Variants in ITGA8 observed in about 807,000 individuals in gnomAD.
The protein encoded by ITGA8 is integrin subunit alpha 8, also known as integrin alpha-8.
ITGA8 carries 91 observed loss-of-function variants against 142.3 expected under a neutral mutation model. The observed-to-expected ratio is 0.64, with a 90% CI of 0.54 to 0.76. The LOEUF (loss-of-function observed/expected upper bound fraction) is 0.76. ITGA8 is among the 30% of genes least tolerant of loss of function. The pLI, the probability that ITGA8 is intolerant of heterozygous loss-of-function variation, is 0.00. For missense variants in ITGA8, 1,406 were observed against 1,327.7 expected, an observed-to-expected ratio of 1.06 and a Z score of -0.92; for synonymous variants, 505 against 485.2, an observed-to-expected ratio of 1.04 and a Z score of -0.54.
intron 22 of ITGA8, among the ~76,000 whole-genome samples, chr10:15,591,402 A>AGT: frequency 7.4e-6 from 1 of 135,670 alleles, no homozygotes; most frequent in Non-Finnish European, 1.6e-5. Flanking sequence ...GAGCTGTATT[A>AGT]ATATATATTA....
chr10:15,649,288 CA>C (rs1363739241), intron 11 of ITGA8, among the ~76,000 whole-genome samples: 2 of 151,662 alleles, frequency 1.3e-5, no homozygotes, highest in Non-Finnish European at 2.9e-5. Flanking sequence ...TATATTGTTA[CA>C]ATCAATATTA....
intron 25 of ITGA8, among the ~76,000 whole-genome samples, chr10:15,562,178 G>T (rs1211229412): frequency 6.6e-6 from 1 of 152,196 alleles, no homozygotes; most frequent in African/African-American, 2.4e-5. Flanking sequence ...GGAGGGGTTT[G>T]GGATGGGGAA....
At chr10:15,571,312 T>A (rs945742982) in intron 25 of ITGA8, among the ~76,000 whole-genome samples, 8 of 152,202 alleles carry the variant, frequency 5.3e-5, no homozygotes, top group African/African-American at 1.9e-4. Flanking sequence ...GGGTATTCCA[T>A]GAAGCCTGCG....
intron 8 of ITGA8, among the ~76,000 whole-genome samples, chr10:15,664,503 CT>C (rs35181554): frequency 0.37 from 50,569 of 137,096 alleles, 8,801 homozygotes; most frequent in East Asian, 0.56. Context: ...TTCATTTACT[CT>C]TTTTTTTTTC....
chr10:15,519,072 G>T (rs1588620709), intron 29 of ITGA8, among the ~76,000 whole-genome samples: 1 of 152,230 alleles, frequency 6.6e-6, no homozygotes, highest in East Asian at 1.9e-4. Context: ...CAAGATGAAA[G>T]CAACATTAAG....
intron 2 of ITGA8, among the ~76,000 whole-genome samples, chr10:15,700,062 A>G (rs1397245533): frequency 6.6e-6 from 1 of 152,190 alleles, no homozygotes; most frequent in Non-Finnish European, 1.5e-5. Flanking sequence ...TTTCCCACAT[A>G]AATGTGGCAA....
rs184630278 is a variant in ITGA8, at chr10:15,653,438, A to G, written c.1001+1916T>C. On this transcript the variant is annotated intron_variant, in intron 11 of 29. Transcript: ENST00000378076. ...CCCATTACCCTCTCCCTAACTTGCA[A>G]CCTTCCACACCGTCACATCAGAGGG... Among the ~76,000 whole-genome samples, 530 of 152,276 alleles carry G rather than the reference A, an allele frequency of 3.5e-3. 2 individuals are homozygous for G. Among genetic ancestry groups the G allele is most frequent in the Non-Finnish European group, 3.6e-3 (243 of 68,020 alleles).
At position 15,619,450 on chromosome 10, in the gene ITGA8, G is replaced by T. The variant is rs534458961; in HGVS notation, c.1400-2891C>A. ...GTGCATGCTGATGTTCAAATAAGTC[G>T]AACAGACGTCATCTAAAGAGCTCCA... On this transcript the variant is annotated intron_variant, in intron 13 of 29. Coordinates refer to ENST00000378076, the MANE Select transcript of ITGA8 (RefSeq NM_003638.3). 3.9e-5 allele frequency among the ~76,000 whole-genome samples: 6 copies of T among 152,188 alleles called. No individual in the cohort carries two copies. In the South Asian group the frequency reaches 1.2e-3, roughly 32 times the overall value.
intron 27 of ITGA8, among the ~76,000 whole-genome samples, chr10:15,534,348 T>G (rs1833375497): frequency 6.6e-6 from 1 of 152,232 alleles, no homozygotes; most frequent in Non-Finnish European, 1.5e-5. Context: ...CATTGTTGTT[T>G]AATTTTTAAT....
chr10:15,579,771 A>G (rs1352149565), intron 23 of ITGA8, among the ~76,000 whole-genome samples: 1 of 152,084 alleles, frequency 6.6e-6, no homozygotes, highest in Non-Finnish European at 1.5e-5. Flanking sequence ...GTCACTTCCC[A>G]TGAGTCAACT....
At chr10:15,543,936 G>A (rs1003234811) in intron 27 of ITGA8, among the ~76,000 whole-genome samples, 1 of 152,186 alleles carries the variant, frequency 6.6e-6, no homozygotes, top group East Asian at 1.9e-4. Context: ...GGTGATGGGA[G>A]ATGGAAGGAG....
intron 17 of ITGA8, 82 bp downstream of exon 17, chr10:15,607,595 A>G: frequency 7.3e-7 from 1 of 1,363,336 alleles, no homozygotes; most frequent in Non-Finnish European, 1.0e-6. Context: ...TATGCAGACA[A>G]ACATGATGGT....
At chr10:15,523,286 T>G (rs1833103144) in intron 28 of ITGA8, among the ~76,000 whole-genome samples, 1 of 152,160 alleles carries the variant, frequency 6.6e-6, no homozygotes, top group Non-Finnish European at 1.5e-5. Flanking sequence ...GCAGAGAAGA[T>G]CACTTACAAA....
chr10:15,541,610 T>C (rs868627883), intron 27 of ITGA8, among the ~76,000 whole-genome samples: 2 of 152,204 alleles, frequency 1.3e-5, no homozygotes, highest in Non-Finnish European at 2.9e-5. Flanking sequence ...TGGCCTGAGA[T>C]GTTTCATTCA....
intron 15 of ITGA8, among the ~76,000 whole-genome samples, chr10:15,609,239 A>G: frequency 6.6e-6 from 1 of 152,196 alleles, no homozygotes; most frequent in East Asian, 1.9e-4. Context: ...CCTAACAGCT[A>G]TCACTAGAGA....
intron 23 of ITGA8, among the ~76,000 whole-genome samples, chr10:15,580,902 A>G (rs536562051): frequency 6.6e-6 from 1 of 152,344 alleles, no homozygotes; most frequent in Non-Finnish European, 1.5e-5. Context: ...TCTATTGATC[A>G]TGCACTGGTG....
intron 21 of ITGA8, 102 bp downstream of exon 21, chr10:15,597,105 G>T: frequency 4.7e-6 from 4 of 843,038 alleles, no homozygotes; most frequent in Non-Finnish European, 4.1e-6. Flanking sequence ...TGTTGTTGCT[G>T]CTAGGTGCTG....
intron 20 of ITGA8, among the ~76,000 whole-genome samples, chr10:15,599,029 C>T (rs1319614): frequency 0.83 from 125,936 of 151,990 alleles, 52,350 homozygotes; most frequent in South Asian, 0.9. Context: ...GAAAAATCTT[C>T]CGTAAGTCCT....
intron 26 of ITGA8, among the ~76,000 whole-genome samples, chr10:15,555,833 C>T (rs1414930918): frequency 6.6e-6 from 1 of 150,600 alleles, no homozygotes; most frequent in African/African-American, 2.5e-5. Flanking sequence ...GGAGCTGGGA[C>T]TACAGGCACC....
Sources: gnomAD v4.1 joint callset for allele counts (sites outside exome capture counted in the v4.1 genomes callset) on GRCh38, gnomAD v4.1.1 for gene constraint, MANE v1.5 for transcripts, NCBI Gene and HGNC (gene_info 2026-07-23, HGNC 2026-07-21) for gene names.